ATRN: variants seen among roughly 807,000 people sequenced by gnomAD.
ATRN encodes attractin-2.
Under a neutral mutation model 178.7 loss-of-function variants are expected in ATRN, and 54 were observed. That is an observed-to-expected ratio of 0.30 (90% confidence interval 0.24 to 0.38). ATRN has a LOEUF of 0.38. Among genes scored for constraint, ATRN ranks in the 10% least tolerant of loss-of-function variants. ATRN has a pLI of 1.00. For synonymous variants in ATRN, 636 were observed against 663.0 expected, an observed-to-expected ratio of 0.96 and a Z score of 0.63; for missense variants, 1,443 against 1,815.1, an observed-to-expected ratio of 0.79 and a Z score of 3.73.
intron 1 of ATRN, among the ~76,000 whole-genome samples, chr20:3,498,649 C>G (rs912177140): frequency 6.6e-6 from 1 of 152,168 alleles, no homozygotes; most frequent in African/African-American, 2.4e-5. Context: ...ATGCTAAAAA[C>G]TCTCAGTAAA....
Position 3,471,471 on chromosome 20 carries a change from G to A in ATRN, c.364G>A (p.Ala122Thr). The change falls in exon 1 of 29, where the codon GCC becomes ACC. Residue 122 changes from alanine to threonine, a missense_variant. Ala to Thr is a moderately conservative substitution (Grantham distance 58, BLOSUM62 0). Transcript: ENST00000262919. ...TGGCACCGGCCAGTGCGTCTGCCCC[G>A]CCGGCTGGGTGGGCGAGCAATGCCA... ...NPGTGQCVCP[A>T]GWVGEQCQHC... The A allele has an allele frequency of 4.2e-6, 6 of 1,413,342 alleles. No individual in the cohort carries two copies. The highest frequency in any genetic ancestry group is 4.6e-6 in the Non-Finnish European group (5 of 1,092,500). The allele number at this position is 1,413,342 out of a possible 1,614,324, so 87.6% of individuals were successfully genotyped here. A position where few individuals can be genotyped will look rare whatever the true frequency, so the allele number is the denominator to read the frequency against.
At chr20:3,610,345 A>G (rs914988957) in intron 24 of ATRN, among the ~76,000 whole-genome samples, 1 of 152,202 alleles carries the variant, frequency 6.6e-6, no homozygotes, top group Non-Finnish European at 1.5e-5. Flanking sequence ...GTAGACACAC[A>G]GATCAATGGG....
intron 24 of ATRN, among the ~76,000 whole-genome samples, chr20:3,619,085 G>A (rs373372502): frequency 1.8e-4 from 28 of 152,308 alleles, no homozygotes; most frequent in Non-Finnish European, 3.5e-4. Context: ...GGGAGCCTGC[G>A]GAGATTCTGC....
intron 1 of ATRN, among the ~76,000 whole-genome samples, chr20:3,485,444 G>T (rs754848696): frequency 6.6e-5 from 10 of 152,040 alleles, no homozygotes; most frequent in Admixed American, 2.6e-4. Flanking sequence ...AAGGTGGCCT[G>T]TGATTATATT....
rs1306087585 is a variant in ATRN at position 3,648,083 on chromosome 20, CAG to C, written c.*1238_*1239del. On this transcript the variant is annotated 3_prime_UTR_variant, in exon 29 of 29. Transcript: ENST00000262919. ...GTTCATTCTCAGGCTGGGGTGGACTCAGATGCCAGGAAAGGGACAGCCTCCCA... is the reference window on the plus strand; with the variant it reads ...GTTCATTCTCAGGCTGGGGTGGACTCATGCCAGGAAAGGGACAGCCTCCCA... The C allele has an allele frequency of 1.3e-5, 2 of 152,220 alleles. No individual in the cohort carries two copies. Among genetic ancestry groups the C allele is most frequent in the Non-Finnish European group, 2.9e-5 (2 of 68,064 alleles). The allele number at this position is 152,220 out of a possible 1,614,324, so 9.4% of individuals were successfully genotyped here.
chr20:3,519,852 G>C (rs572636571), intron 1 of ATRN, among the ~76,000 whole-genome samples: 1 of 152,232 alleles, frequency 6.6e-6, no homozygotes, highest in East Asian at 1.9e-4. Flanking sequence ...CAGTGGATTA[G>C]CATCTAGAGC....
At chr20:3,646,249 T>C (rs1405950055) in intron 28 of ATRN, among the ~76,000 whole-genome samples, 3 of 151,962 alleles carry the variant, frequency 2.0e-5, no homozygotes, top group Non-Finnish European at 4.4e-5. Context: ...GCTGACTGAG[T>C]GATAGGGGTG....
At chr20:3,616,375 G>T (rs2146308178) in intron 24 of ATRN, among the ~76,000 whole-genome samples, 1 of 152,278 alleles carries the variant, frequency 6.6e-6, no homozygotes, top group South Asian at 2.1e-4. Flanking sequence ...GAAGCTCGGT[G>T]TTGGAGGTGT....
intron 23 of ATRN, among the ~76,000 whole-genome samples, chr20:3,602,963 C>CAAAAAAAAAAAAAAAAAAAAAAA (rs3842439): frequency 2.4e-5 from 1 of 40,868 alleles, no homozygotes; most frequent in Non-Finnish European, 4.5e-5. Flanking sequence ...AATTCCATCT[C>CAAAAAAAAAAAAAAAAAAAAAAA]AAAAAAAAAA....
intron 24 of ATRN, among the ~76,000 whole-genome samples, chr20:3,621,250 C>CA (rs982588402): frequency 6.6e-5 from 10 of 152,198 alleles, no homozygotes; most frequent in Non-Finnish European, 1.3e-4. Flanking sequence ...GGAGGACCCC[C>CA]ATGCACACAG....
chr20:3,538,415 G>C (rs1600087284), intron 2 of ATRN, among the ~76,000 whole-genome samples: 1 of 152,112 alleles, frequency 6.6e-6, no homozygotes, highest in East Asian at 1.9e-4. Context: ...TGTGAATATA[G>C]TTTTGACCTC....
chr20:3,494,285 A>ATTCTCCCC, intron 1 of ATRN, among the ~76,000 whole-genome samples: 1 of 152,334 alleles, frequency 6.6e-6, no homozygotes, highest in South Asian at 2.1e-4. Flanking sequence ...TCTGGGGAGC[A>ATTCTCCCC]GTGGCTAGTG....
intron 6 of ATRN, among the ~76,000 whole-genome samples, chr20:3,555,441 GT>G (rs2085863943): frequency 6.6e-6 from 1 of 152,172 alleles, no homozygotes; most frequent in South Asian, 2.1e-4. Flanking sequence ...AGGAGACATA[GT>G]TGCTGGGGAG....
intron 1 of ATRN, among the ~76,000 whole-genome samples, chr20:3,485,747 A>C (rs1406840291): frequency 6.7e-6 from 1 of 149,244 alleles, no homozygotes. Context: ...TCAGCCTCCC[A>C]AGTAGCTGGG....
At chr20:3,525,414 A>G (rs2085350228) in intron 1 of ATRN, among the ~76,000 whole-genome samples, 1 of 152,204 alleles carries the variant, frequency 6.6e-6, no homozygotes, top group Admixed American at 6.6e-5. Context: ...TTGATAGCCT[A>G]TCAACCAAAA....
At chr20:3,642,933 C>G (rs1221225828) in intron 27 of ATRN, among the ~76,000 whole-genome samples, 1 of 152,154 alleles carries the variant, frequency 6.6e-6, no homozygotes, top group Non-Finnish European at 1.5e-5. Flanking sequence ...GACACACCAT[C>G]CCTGGTTTAG....
intron 1 of ATRN, among the ~76,000 whole-genome samples, chr20:3,482,121 A>G (rs892738650): frequency 2.4e-4 from 37 of 151,952 alleles, no homozygotes; most frequent in African/African-American, 8.9e-4. Flanking sequence ...TAAATAAAGT[A>G]AAAGTAGTTT....
At position 3,536,914 on chromosome 20, in the gene ATRN, A is replaced by G. The variant is rs755153714; in HGVS notation, c.494+1578A>G. ...AACTTAACAAGTAGTAATTTCTTAAAAGTAAATTGCAGTATGGAATCTGAA... is the reference window on the plus strand; with the variant it reads ...AACTTAACAAGTAGTAATTTCTTAAGAGTAAATTGCAGTATGGAATCTGAA... On this transcript the variant is annotated intron_variant, in intron 2 of 28. Transcript: ENST00000262919. Among the ~76,000 whole-genome samples the G allele has an allele frequency of 2.6e-4, 40 of 152,324 alleles. No individual in the cohort carries two copies. In the South Asian group the frequency reaches 3.3e-3, roughly 13 times the overall value.
Position 3,576,946 on chromosome 20 carries a change from G to C in ATRN, c.2302G>C (p.Asp768His). ...KKTSCRSCAL[D>H]QNCQWEPRNQ... ...GACCAGCTGCAGGAGCTGTGCCCTG[G>C]ACCAGAACTGCCAGTGGGAGCCCCG... is the stretch of plus-strand genomic sequence containing the variant. The change falls in exon 14 of 29, where the codon GAC becomes CAC. Residue 768 changes from aspartate to histidine, a missense_variant. By Grantham distance (81) the Asp-to-His change is moderately conservative (BLOSUM62 -1). This residue lies in a region of ATRN where 212 missense variants were observed against 330.7 expected (regional missense o/e 0.64). Transcript: ENST00000262919. 1 of 1,614,036 alleles carries C rather than the reference G, an allele frequency of 6.2e-7. No individual in the cohort carries two copies. The highest frequency in any genetic ancestry group is 8.5e-7 in the Non-Finnish European group (1 of 1,179,998).
Sources: allele counts gnomAD v4.1 joint callset (sites outside exome capture counted in the v4.1 genomes callset), GRCh38; gene constraint gnomAD v4.1.1; regional missense constraint gnomAD v4.1.1; transcripts MANE v1.5; gene names NCBI Gene and HGNC (gene_info 2026-07-23, HGNC 2026-07-21).